GSDME: variants seen among roughly 807,000 people sequenced by gnomAD.
GSDME encodes gasdermin-E.
Under a neutral mutation model 47.5 loss-of-function variants are expected in GSDME, and 44 were observed. The ratio of observed to expected loss-of-function variants is 0.93; its 90% CI spans 0.73 to 1.19. The LOEUF is 1.19. Among genes scored for constraint, GSDME ranks in the 50% most tolerant of loss-of-function variants. The probability of loss-of-function intolerance (pLI) is 0.00; values close to 1 mark genes in which losing one functional copy is unlikely to be tolerated. For missense variants in GSDME, 663 were observed against 604.2 expected (o/e 1.10, Z -1.02); for synonymous variants, 258 against 252.8 (o/e 1.02, Z -0.20).
the GSDME span, among the ~76,000 whole-genome samples, chr7:24,774,307 C>T: frequency 2.2e-4 from 15 of 68,898 alleles, 1 homozygote; most frequent in Non-Finnish European, 3.8e-4. Flanking sequence ...CTCCCTTCCT[C>T]CCTCCCTTCC....
At chr7:24,746,902 A>G (rs1790684759) in intron 2 of GSDME, among the ~76,000 whole-genome samples, 1 of 152,190 alleles carries the variant, frequency 6.6e-6, no homozygotes, top group Non-Finnish European at 1.5e-5. Flanking sequence ...AAAAAATAAC[A>G]AAGGTGAAGC....
chr7:24,775,874 CAAAAAAA>C, the GSDME span, among the ~76,000 whole-genome samples: 1 of 31,396 alleles, frequency 3.2e-5, no homozygotes, highest in Non-Finnish European at 5.3e-5. Context: ...GATTCCATCT[CAAAAAAA>C]AAAAAAAAAA....
the GSDME span, among the ~76,000 whole-genome samples, chr7:24,780,974 A>C: frequency 6.6e-6 from 1 of 152,376 alleles, no homozygotes; most frequent in South Asian, 2.1e-4. This position sits in a 1 kb window ranked among gnomAD's most constrained non-coding sequence, Gnocchi z 4.1. Context: ...ACCTTGACGC[A>C]GGGACTCAGG....
At chr7:24,717,104 A>G (rs2128052711) in intron 5 of GSDME, 150 bp downstream of exon 5, 1 of 860,778 alleles carries the variant, frequency 1.2e-6, no homozygotes, top group South Asian at 1.5e-5. Flanking sequence ...TCCAGGGACC[A>G]TGTCTTGGGA....
chr7:24,740,167 ATAAAC>A (rs1381982658), intron 3 of GSDME, among the ~76,000 whole-genome samples: 2 of 152,136 alleles, frequency 1.3e-5, no homozygotes, highest in African/African-American at 2.4e-5. Flanking sequence ...GTTAAACAAA[ATAAAC>A]TAGGCACAGA....
At chr7:24,775,079 G>T in the GSDME span, among the ~76,000 whole-genome samples, 1 of 152,114 alleles carries the variant, frequency 6.6e-6, no homozygotes, top group East Asian at 1.9e-4. Context: ...TATTTCACCC[G>T]CAGTGTTTCA....
chr7:24,720,394 C>T (rs1789733766), intron 3 of GSDME, among the ~76,000 whole-genome samples: 1 of 152,164 alleles, frequency 6.6e-6, no homozygotes, highest in Non-Finnish European at 1.5e-5. Flanking sequence ...CCTTGAAAAG[C>T]TCAGCACCCA....
At chr7:24,768,556 T>G in the GSDME span, among the ~76,000 whole-genome samples, 389 of 152,332 alleles carry the variant, frequency 2.6e-3, 5 homozygotes, top group East Asian at 6.4e-3. The surrounding 1 kb of genome is among the most constrained non-coding windows in gnomAD (Gnocchi z 5.6). Flanking sequence ...GATTGTTATC[T>G]CCAGTAAGTT....
At position 24,716,830 on chromosome 7, in the gene GSDME, C is replaced by A. The variant is rs1249545570; in HGVS notation, c.697+424G>T. On this transcript the variant is annotated intron_variant, in intron 5 of 9. Coordinates refer to ENST00000645220, the MANE Select transcript of GSDME (RefSeq NM_001127453.2). This position sits in a 1 kb window ranked among gnomAD's most constrained non-coding sequence, Gnocchi z 4.5. Reference sequence around the variant, plus strand: ...CATCTCATTAAATCTTCACACAGCCCTGTGAAGAAATGCCCTTCACCTTCC... The same window carrying A: ...CATCTCATTAAATCTTCACACAGCCATGTGAAGAAATGCCCTTCACCTTCC... The A allele has an allele frequency of 1.1e-5, 3 of 280,788 alleles. No individual in the cohort carries two copies. 17.4% of individuals were successfully genotyped at this position (280,788 alleles called of 1,614,324 possible).
chr7:24,765,029 A>C, the GSDME span, among the ~76,000 whole-genome samples: 1 of 152,184 alleles, frequency 6.6e-6, no homozygotes, highest in Non-Finnish European at 1.5e-5. Context: ...CATACCATAG[A>C]AAGACCAGCC....
At position 24,719,663 on chromosome 7, in the gene GSDME, C is replaced by T. The variant is rs1023949222; in HGVS notation, c.405-445G>A. ...CAAAAATTAGCCAGGCGTGGTGGCA[C>T]ACACCTGTAATCCTAGCTACTAAGG... On this transcript the variant is annotated intron_variant, in intron 3 of 9. Coordinates refer to ENST00000645220, the MANE Select transcript of GSDME (RefSeq NM_001127453.2). 2.0e-5 allele frequency among the ~76,000 whole-genome samples: 3 copies of T among 152,084 alleles called. No individual in the cohort carries two copies. In the East Asian group the frequency reaches 5.8e-4, roughly 29 times the overall value.
At position 24,707,680 on chromosome 7, in the gene GSDME, G is replaced by C. The variant is rs554286942; in HGVS notation, c.990+447C>G. 6.8e-4 allele frequency: 212 copies of C among 313,162 alleles called. 5 individuals are homozygous for C. The highest frequency in any genetic ancestry group is 6.3e-3 in the South Asian group (204 of 32,500). The allele number at this position is 313,162 out of a possible 1,614,324, so 19.4% of individuals were successfully genotyped here. On this transcript the variant is annotated intron_variant, in intron 7 of 9. Coordinates refer to ENST00000645220, the MANE Select transcript of GSDME (RefSeq NM_001127453.2). The stretch of plus-strand genomic sequence containing the variant: ...TGTCTTTATAACAGACAGTAAAGGA[G>C]AAGACACACACACACACACAGAGGG...
chr7:24,771,708 C>CTTGG, the GSDME span, among the ~76,000 whole-genome samples: 1 of 152,128 alleles, frequency 6.6e-6, no homozygotes, highest in Non-Finnish European at 1.5e-5. The surrounding 1 kb of genome is among the most constrained non-coding windows in gnomAD (Gnocchi z 4.1). Flanking sequence ...GGAGGGCTTA[C>CTTGG]TTGGATGCTC....
At chr7:24,746,431 G>A (rs1003829282) in intron 2 of GSDME, among the ~76,000 whole-genome samples, 1 of 151,788 alleles carries the variant, frequency 6.6e-6, no homozygotes, top group East Asian at 1.9e-4. Context: ...GCTACCTGAC[G>A]GGTTCTGCTG....
chr7:24,715,415 T>C (rs1789513600), intron 5 of GSDME: 2 of 469,160 alleles, frequency 4.3e-6, no homozygotes, highest in South Asian at 1.6e-5. Flanking sequence ...TCAGTAGTTA[T>C]CCCGTCACAA....
chr7:24,719,357 G>C, intron 3 of GSDME, 139 bp from the exon 4 acceptor site: 1 of 945,162 alleles, frequency 1.1e-6, no homozygotes, highest in Non-Finnish European at 1.6e-6. Flanking sequence ...GATGAAAGGG[G>C]TGGCAGGTCA....
intron 3 of GSDME, among the ~76,000 whole-genome samples, chr7:24,723,336 TCCC>T (rs1173775250): frequency 6.6e-6 from 1 of 151,912 alleles, no homozygotes; most frequent in African/African-American, 2.4e-5. Flanking sequence ...AGAGCTGGTG[TCCC>T]CTGGGGACGG....
chr7:24,746,151 CT>C (rs1790661075), intron 2 of GSDME, among the ~76,000 whole-genome samples: 2 of 152,190 alleles, frequency 1.3e-5, no homozygotes, highest in African/African-American at 4.8e-5. Flanking sequence ...ATTCAATCAC[CT>C]TTGAAATTTA....
intron 7 of GSDME, 22 bp from the exon 8 acceptor site, chr7:24,706,398 G>A: frequency 1.2e-6 from 2 of 1,608,744 alleles, no homozygotes; most frequent in African/African-American, 1.3e-5. Flanking sequence ...GGAAGAAGAA[G>A]GGTCATGACA....
Sources: gnomAD v4.1 joint callset for allele counts (sites outside exome capture counted in the v4.1 genomes callset) on GRCh38, gnomAD v4.1.1 for gene constraint, Gnocchi (gnomAD v3.1) non-coding constraint, MANE v1.5 for transcripts, NCBI Gene and HGNC (gene_info 2026-07-23, HGNC 2026-07-21) for gene names.